The following WDR7 variants were observed in gnomAD, a reference collection of about 807,000 sequenced individuals.
WDR7 encodes the protein WD repeat domain 7.
Under a neutral mutation model 169.4 loss-of-function variants are expected in WDR7, and 46 were observed. The observed-to-expected ratio is 0.27, with a 90% CI of 0.21 to 0.35. The LOEUF is 0.35. WDR7 is among the 10% of genes least tolerant of loss of function. WDR7 has a pLI of 1.00. For synonymous variants in WDR7, 612 were observed against 666.8 expected, an observed-to-expected ratio of 0.92 and a Z score of 1.27; for missense variants, 1,534 against 1,859.3, an observed-to-expected ratio of 0.83 and a Z score of 3.22.
chr18:56,687,150 C>CT (rs1378469965), intron 7 of WDR7, among the ~76,000 whole-genome samples, 176 bp downstream of exon 7: 1 of 152,008 alleles, frequency 6.6e-6, no homozygotes, highest in Non-Finnish European at 1.5e-5. Context: ...ATGTAGTTGT[C>CT]TTTTTTTGTT....
At chr18:56,861,969 C>T (rs2045809948) in intron 20 of WDR7, among the ~76,000 whole-genome samples, 1 of 151,900 alleles carries the variant, frequency 6.6e-6, no homozygotes, top group Non-Finnish European at 1.5e-5. Context: ...TAGATAGGTG[C>T]ATTTCTTTAT....
intron 19 of WDR7, among the ~76,000 whole-genome samples, chr18:56,794,371 G>A (rs912010353): frequency 9.8e-5 from 13 of 132,144 alleles, no homozygotes; most frequent in East Asian, 6.7e-4. Flanking sequence ...GTACAGTGGC[G>A]TGATCTTGGC....
chr18:56,895,829 A>G (rs745593807), intron 21 of WDR7, among the ~76,000 whole-genome samples: 3 of 151,892 alleles, frequency 2.0e-5, no homozygotes, highest in Non-Finnish European at 4.4e-5. Flanking sequence ...CCATATGGCA[A>G]ATATCTCAGT....
intron 2 of WDR7, among the ~76,000 whole-genome samples, chr18:56,676,436 T>G (rs950512537): frequency 6.6e-6 from 1 of 152,174 alleles, no homozygotes; most frequent in Admixed American, 6.5e-5. Context: ...TTGTTTTTTG[T>G]TTTCTTGTTG....
chr18:56,982,339 A>G (rs1287254607), intron 26 of WDR7, among the ~76,000 whole-genome samples: 1 of 152,200 alleles, frequency 6.6e-6, no homozygotes, highest in African/African-American at 2.4e-5. Flanking sequence ...AGGAGGGAGC[A>G]TTATTCGTTT....
intron 19 of WDR7, among the ~76,000 whole-genome samples, chr18:56,806,924 G>A (rs17090358): frequency 0.13 from 20,074 of 151,988 alleles, 2,053 homozygotes; most frequent in African/African-American, 0.29. Flanking sequence ...TATTGGCAAT[G>A]CCAGCCTCTC....
intron 19 of WDR7, among the ~76,000 whole-genome samples, chr18:56,808,768 C>G (rs1357098385): frequency 6.6e-6 from 1 of 152,020 alleles, no homozygotes; most frequent in Non-Finnish European, 1.5e-5. Context: ...GAATACTATA[C>G]CCAATTTTAC....
At position 56,844,077 on chromosome 18, in the gene WDR7, G is replaced by A. The variant is rs186472384; in HGVS notation, c.3304+27933G>A. Among the ~76,000 whole-genome samples, 474 of 151,660 alleles carry A rather than the reference G, an allele frequency of 3.1e-3. 8 individuals carry two copies. Among genetic ancestry groups the A allele is most frequent in the Admixed American group, 0.029 (436 of 15,236 alleles). ...GGGGCTTCACCATGTTGGTCAGGCT[G>A]GTCTCGAAATCTTGACCTTGTGATC... On this transcript the variant is annotated intron_variant, in intron 20 of 27. Transcript: ENST00000254442.
At chr18:56,913,409 A>G (rs2046579672) in intron 21 of WDR7, among the ~76,000 whole-genome samples, 1 of 152,124 alleles carries the variant, frequency 6.6e-6, no homozygotes, top group South Asian at 2.1e-4. Context: ...CCAATTTTTG[A>G]GAATCATACT....
rs1489180824 is a variant in WDR7 at position 56,733,415 on chromosome 18, A to G, written c.1989+1818A>G. On this transcript the variant is annotated intron_variant, in intron 14 of 27. Transcript: ENST00000254442. ...TTCTAACCTCAGGAGAAATAAACCC[A>G]CCCAAAGTAAAAAACAAACAACTAA... Among the ~76,000 whole-genome samples, 5 of 152,186 alleles carry G rather than the reference A, an allele frequency of 3.3e-5. No individual in the cohort carries two copies. In the East Asian group the frequency reaches 9.6e-4, roughly 29 times the overall value.
At chr18:56,928,814 A>G (rs1568271659) in intron 22 of WDR7, among the ~76,000 whole-genome samples, 2 of 152,190 alleles carry the variant, frequency 1.3e-5, no homozygotes, top group Non-Finnish European at 2.9e-5. Flanking sequence ...CCAGAGTAAC[A>G]TTGTAGTTAC....
intron 1 of WDR7, among the ~76,000 whole-genome samples, chr18:56,652,798 A>G (rs1175963183): frequency 6.6e-6 from 1 of 152,038 alleles, no homozygotes. Context: ...ATTTTTTCTT[A>G]TTGCCACCTG....
intron 21 of WDR7, among the ~76,000 whole-genome samples, chr18:56,888,071 G>T (rs1568249781): frequency 2.0e-5 from 3 of 152,190 alleles, no homozygotes; most frequent in Non-Finnish European, 2.9e-5. Flanking sequence ...TGCTAATGTA[G>T]TTAGAGGCAT....
chr18:56,855,521 AG>A (rs2045707722), intron 20 of WDR7, among the ~76,000 whole-genome samples: 1 of 152,174 alleles, frequency 6.6e-6, no homozygotes, highest in African/African-American at 2.4e-5. Context: ...CAGACATAAA[AG>A]CTGTTAATCC....
intron 26 of WDR7, among the ~76,000 whole-genome samples, chr18:56,982,689 A>G (rs2047663684): frequency 6.6e-6 from 1 of 152,194 alleles, no homozygotes; most frequent in Admixed American, 6.5e-5. Flanking sequence ...ATCCCACCAA[A>G]TACCAAAGCC....
intron 19 of WDR7, 81 bp downstream of exon 19, chr18:56,781,737 T>C (rs1238431424): frequency 3.3e-5 from 43 of 1,310,388 alleles, no homozygotes; most frequent in Non-Finnish European, 4.2e-5. Flanking sequence ...TATATGCTAC[T>C]ACCCATCAAC....
chr18:56,751,012 T>C (rs1375143500), intron 14 of WDR7, among the ~76,000 whole-genome samples: 1 of 152,216 alleles, frequency 6.6e-6, no homozygotes, highest in Non-Finnish European at 1.5e-5. Flanking sequence ...CTCTCCTTTT[T>C]AGTCTCCTCC....
chr18:57,024,532 C>G (rs548887335), intron 27 of WDR7, among the ~76,000 whole-genome samples: 1 of 144,674 alleles, frequency 6.9e-6, no homozygotes, highest in East Asian at 2.0e-4. Context: ...TCCCTATTCT[C>G]AGACAGGAAT....
At position 56,695,102 on chromosome 18, in the gene WDR7, C is replaced by T. The variant is rs1396286067; in HGVS notation, c.1261C>T (p.Leu421Phe). 4 of 1,613,958 alleles carry T rather than the reference C, an allele frequency of 2.5e-6. No individual in the cohort carries two copies. The highest frequency in any genetic ancestry group is 2.2e-5 in the South Asian group (2 of 91,078). ...TGTGTACATACCAGCACATGGACGACTTGTTTGTGGTCGTGAAGATGGAAG... is the reference window on the plus strand; with the variant it reads ...TGTGTACATACCAGCACATGGACGATTTGTTTGTGGTCGTGAAGATGGAAG... Reference protein sequence around the residue: ...ASVYIPAHGRLVCGREDGSIV... With the variant: ...ASVYIPAHGRFVCGREDGSIV... Residue 421 changes from leucine to phenylalanine, a missense_variant, in exon 11 of 28, where the codon CTT becomes TTT. Transcript: ENST00000254442.
Sources: allele counts gnomAD v4.1 joint callset (sites outside exome capture counted in the v4.1 genomes callset), GRCh38; gene constraint gnomAD v4.1.1; transcripts MANE v1.5; gene names NCBI Gene and HGNC (gene_info 2026-07-23, HGNC 2026-07-21).